The following CRLF1 variants were observed in gnomAD, a reference collection of about 807,000 sequenced individuals.
CRLF1 encodes the protein cytokine receptor-like factor 1.
CRLF1 carries 36 observed loss-of-function variants against 48.9 expected under a neutral mutation model. That is an observed-to-expected ratio of 0.74 (90% CI 0.56 to 0.97). CRLF1 has a LOEUF of 0.97. Ranked by LOEUF, CRLF1 falls within the 50% of genes least tolerant of loss-of-function variation. The pLI is 0.00. For missense variants in CRLF1, 534 were observed against 575.1 expected, an observed-to-expected ratio of 0.93 and a Z score of 0.73; for synonymous variants, 256 against 253.4, an observed-to-expected ratio of 1.01 and a Z score of -0.10.
chr19:18,594,051 C>A lies in CRLF1; in HGVS notation c.1255+14G>T. ...CCTTGCTCCCTCCCGCCCACCCATTCAGGCCCACCTTACCTCTCGCCGTGC... is the reference window on the plus strand; with the variant it reads ...CCTTGCTCCCTCCCGCCCACCCATTAAGGCCCACCTTACCTCTCGCCGTGC... On this transcript the variant is annotated intron_variant, in intron 8 of 8. Coordinates refer to ENST00000392386, the MANE Select transcript of CRLF1 (RefSeq NM_004750.5). 2.1e-6 allele frequency: 2 copies of A among 962,040 alleles called. No homozygotes were observed. The highest frequency in any genetic ancestry group is 1.9e-5 in the South Asian group (1 of 52,978). 59.6% of individuals were successfully genotyped at this position (962,040 alleles called of 1,614,324 possible).
At position 18,596,927 on chromosome 19, in the gene CRLF1, T is replaced by C. The variant is rs147108114; in HGVS notation, c.820A>G (p.Ile274Val). Residue 274 changes from isoleucine (I) to valine (V), a missense_variant, in exon 5 of 9, where the codon ATC (isoleucine) becomes GTC (valine). Ile to Val is a conservative substitution (Grantham distance 29, BLOSUM62 3). This residue lies in a region of CRLF1 where 528 missense variants were observed against 555.7 expected (regional missense o/e 0.95). Transcript: ENST00000392386. ...KDFLFQAKYQ[I>V]RYRVEDSVDW... ...ACACTGTCCTCCACTCGGTAGCGGA[T>C]CTGGTATTTGGCTTGAAAGAGGAAA... 2.5e-6 allele frequency: 4 copies of C among 1,614,010 alleles called. No individual in the cohort carries two copies. Among genetic ancestry groups the C allele is most frequent in the South Asian group, 1.1e-5 (1 of 91,080 alleles).
chr19:18,599,912 G>T, intron 1 of CRLF1, 66 bp from the exon 2 acceptor site: 1 of 1,426,560 alleles, frequency 7.0e-7, no homozygotes, highest in South Asian at 1.5e-5. Flanking sequence ...ACCATGCCAG[G>T]ACCTCCAGGG....
chr19:18,600,516 G>A (rs1976208026), intron 1 of CRLF1, among the ~76,000 whole-genome samples: 2 of 152,092 alleles, frequency 1.3e-5, no homozygotes, highest in East Asian at 1.9e-4. Context: ...CTACGCGCCC[G>A]CCACCACGCC....
chr19:18,605,032 C>A (rs1203911307), intron 1 of CRLF1, among the ~76,000 whole-genome samples: 1 of 152,178 alleles, frequency 6.6e-6, no homozygotes, highest in African/African-American at 2.4e-5. Context: ...ACGACCCACC[C>A]GCCTGCTGGT....
chr19:18,594,032 T>TTGGTGCC, intron 8 of CRLF1, 33 bp downstream of exon 8: 1 of 695,814 alleles, frequency 1.4e-6, no homozygotes, highest in East Asian at 4.7e-5. Flanking sequence ...CTCCCCTTGC[T>TTGGTGCC]CCCTCCCGCC....
Position 18,593,549 on chromosome 19 carries a change from G to C in CRLF1, c.*17C>G, listed in dbSNP as rs1402924339. 2.5e-6 allele frequency: 4 copies of C among 1,610,378 alleles called. No individual in the cohort carries two copies. The highest frequency in any genetic ancestry group is 3.4e-6 in the Non-Finnish European group (4 of 1,178,884). On this transcript the variant is annotated 3_prime_UTR_variant, in exon 9 of 9. Coordinates refer to ENST00000392386, the MANE Select transcript of CRLF1 (RefSeq NM_004750.5). ...GCGTCTCCACGTGGCAGGGAGGGTG[G>C]CCTGAGCCCCTACAGCTTATCTGGC...
At chr19:18,598,710 G>A (rs553551221) in intron 3 of CRLF1, 62 bp downstream of exon 3, 7 of 1,613,806 alleles carry the variant, frequency 4.3e-6, no homozygotes, top group South Asian at 3.3e-5. Context: ...GAGAGGGTCC[G>A]CGTTGGTCAA....
chr19:18,601,753 G>A (rs1600655559), intron 1 of CRLF1, among the ~76,000 whole-genome samples: 1 of 152,166 alleles, frequency 6.6e-6, no homozygotes, highest in Non-Finnish European at 1.5e-5. Flanking sequence ...ACTGGGCTAA[G>A]ACTACCTACA....
rs760792044 is a variant in CRLF1, at chr19:18,596,962, G to A, written c.785C>T (p.Ala262Val). The change falls in exon 5 of 9, where the codon GCC becomes GTC. Residue 262 changes from alanine (A) to valine (V), a missense_variant. Physicochemically the swap from Ala to Val is moderately conservative, Grantham distance 64. Transcript: ENST00000392386. ...QLSVRWVSPP[A>V]LKDFLFQAKY... Reference sequence around the variant, plus strand: ...GGCTTGAAAGAGGAAATCCTTGAGGGCGGGTGGCGACACCCAGCGCACGCT... The same window carrying A: ...GGCTTGAAAGAGGAAATCCTTGAGGACGGGTGGCGACACCCAGCGCACGCT... 1 of 1,614,068 alleles carries A rather than the reference G, an allele frequency of 6.2e-7. No individual in the cohort carries two copies. Among genetic ancestry groups the A allele is most frequent in the Non-Finnish European group, 8.5e-7 (1 of 1,180,018 alleles).
intron 1 of CRLF1, among the ~76,000 whole-genome samples, chr19:18,601,977 G>A (rs1258201089): frequency 4.6e-5 from 7 of 152,142 alleles, no homozygotes; most frequent in African/African-American, 1.7e-4. Flanking sequence ...TGACATCATC[G>A]CTGTTTCCCT....
At chr19:18,594,031 C>CGGGGGGGGG (rs1976092559) in intron 8 of CRLF1, 34 bp downstream of exon 8, 30 of 1,299,782 alleles carry the variant, frequency 2.3e-5, no homozygotes, top group Non-Finnish European at 2.5e-5. Context: ...CCTCCCCTTG[C>CGGGGGGGGG]TCCCTCCCGC....
intron 1 of CRLF1, among the ~76,000 whole-genome samples, chr19:18,605,856 C>T (rs1265393102): frequency 6.6e-6 from 1 of 152,168 alleles, no homozygotes; most frequent in East Asian, 1.9e-4. Context: ...GACTCACTGG[C>T]TCCCGCTCCC....
At chr19:18,602,816 G>A (rs909656689) in intron 1 of CRLF1, among the ~76,000 whole-genome samples, 4 of 148,346 alleles carry the variant, frequency 2.7e-5, no homozygotes, top group Non-Finnish European at 5.9e-5. Flanking sequence ...GTCTCACTCT[G>A]TCACCCAGGC....
At chr19:18,601,279 G>GTT (rs58921623) in intron 1 of CRLF1, among the ~76,000 whole-genome samples, 6 of 143,004 alleles carry the variant, frequency 4.2e-5, no homozygotes, top group Admixed American at 1.4e-4. Flanking sequence ...AGAGCACCAT[G>GTT]TTTTTTTTTT....
chr19:18,594,284 CGCCACTGGTCGTAGAGGCGGAA>C lies in CRLF1; in HGVS notation c.1153_1174del (p.Phe385GlufsTer34). ...CTTGTGCGACTTCTGCATCCAGGCT[CGCCACTGGTCGTAGAGGCGGAA>C]GCTGAGGTTGGAGCAGTACGCGTGC... On this transcript the variant is annotated frameshift_variant, in exon 7 of 9. Transcript: ENST00000392386. LOFTEE classifies it high-confidence loss of function. The C allele has an allele frequency of 6.2e-7, 1 of 1,612,604 alleles. No homozygotes were observed. Among genetic ancestry groups the C allele is most frequent in the Non-Finnish European group, 8.5e-7 (1 of 1,179,896 alleles).
In CRLF1 at chr19:18,597,052, G is replaced by T. The variant is rs1292035789; in HGVS notation, c.698-3C>A. ...GTCGGGCGGGGGGTCCGTGGTCACT[G>T]CGGGGCAGAGGAGGGACCCTCTCAG... On this transcript the variant is annotated splice_polypyrimidine_tract_variant and splice_region_variant and intron_variant, in intron 4 of 8. Transcript: ENST00000392386. 1.9e-6 allele frequency: 3 copies of T among 1,612,018 alleles called. No homozygotes were observed. The highest frequency in any genetic ancestry group is 2.5e-6 in the Non-Finnish European group (3 of 1,179,160).
Position 18,598,850 on chromosome 19 carries a change from T to C in CRLF1, c.449A>G (p.Asp150Gly), listed in dbSNP as rs1976180537. 1.2e-6 allele frequency: 2 copies of C among 1,613,792 alleles called. No individual in the cohort carries two copies. The highest frequency in any genetic ancestry group is 8.5e-7 in the Non-Finnish European group (1 of 1,179,962). Residue 150 changes from aspartate to glycine, a missense_variant, in exon 3 of 9, where the codon GAC (aspartate) becomes GGC (glycine). Asp to Gly is a moderately conservative substitution (Grantham distance 94). Coordinates refer to ENST00000392386, the MANE Select transcript of CRLF1 (RefSeq NM_004750.5). ...NISCWSKNMK[D>G]LTCRWTPGAH... is the part of the protein sequence containing the mutation. ...CCCTGGCGTCCAGCGGCAGGTCAAG[T>C]CCTTCATGTTCTTGGACCAGCAGCT...
At chr19:18,598,958 G>T (rs8108207) in intron 2 of CRLF1, 57 bp from the exon 3 acceptor site, 10 of 1,600,594 alleles carry the variant, frequency 6.2e-6, no homozygotes, top group Middle Eastern at 1.9e-4. Flanking sequence ...GCTGAGCCTC[G>T]GCTGAGGGGT....
rs1413555482 is a variant in CRLF1 at position 18,606,299 on chromosome 19, T to G, written c.115+243A>C. On this transcript the variant is annotated intron_variant, in intron 1 of 8. Transcript: ENST00000392386. This position sits in a 1 kb window ranked among gnomAD's most constrained non-coding sequence, Gnocchi z 4.8. ...CCCCCCAGCCCCCGGGGGCCTGGCC[T>G]GGCGCCCTCGGCCCAGCTGCCCAGG... Among the ~76,000 whole-genome samples the G allele has an allele frequency of 6.6e-6, 1 of 151,442 alleles. No individual in the cohort carries two copies. Among genetic ancestry groups the G allele is most frequent in the Admixed American group, 6.6e-5 (1 of 15,236 alleles).
Sources: allele counts gnomAD v4.1 joint callset (sites outside exome capture counted in the v4.1 genomes callset), GRCh38; gene constraint gnomAD v4.1.1; regional missense constraint gnomAD v4.1.1; non-coding constraint Gnocchi (gnomAD v3.1); transcripts MANE v1.5; gene names NCBI Gene and HGNC (gene_info 2026-07-23, HGNC 2026-07-21).